PPP2R5E: variants seen among roughly 807,000 people sequenced by gnomAD.
PPP2R5E encodes the protein protein phosphatase 2 regulatory subunit B'epsilon.
Under a neutral mutation model 65.3 loss-of-function variants are expected in PPP2R5E, and 4 were observed. That is an observed-to-expected ratio of 0.06 (90% CI 0.03 to 0.14). PPP2R5E has a LOEUF of 0.14. Ranked by LOEUF, PPP2R5E falls within the 10% of genes least tolerant of loss-of-function variation. The probability of loss-of-function intolerance (pLI) is 1.00; values close to 1 mark genes in which losing one functional copy is unlikely to be tolerated. For missense variants in PPP2R5E, 274 were observed against 556.1 expected (o/e 0.49, Z 5.10); for synonymous variants, 183 against 187.4 (o/e 0.98, Z 0.19).
intron 3 of PPP2R5E, 64 bp from the exon 4 acceptor site, chr14:63,422,158 T>G (rs546434769): frequency 7.3e-7 from 1 of 1,361,776 alleles, no homozygotes; most frequent in Non-Finnish European, 1.0e-6. Context: ...CACAAGGTCC[T>G]TGGAGCCAAG....
intron 13 of PPP2R5E, among the ~76,000 whole-genome samples, chr14:63,378,492 A>C (rs1884118247): frequency 6.6e-6 from 1 of 152,202 alleles, no homozygotes; most frequent in East Asian, 1.9e-4. Context: ...AAAGTGTTTC[A>C]TGTTTTTGAT....
intron 1 of PPP2R5E, 30 bp downstream of exon 1, chr14:63,542,749 C>A (rs1390611808): frequency 3.9e-5 from 6 of 153,746 alleles, no homozygotes; most frequent in African/African-American, 1.4e-4. Flanking sequence ...GGGAAGCGGG[C>A]GAGCCGCGGT....
rs61623731 is a variant in PPP2R5E, at chr14:63,414,532, C to T, written c.549+608G>A. Among the ~76,000 whole-genome samples the T allele has an allele frequency of 2.9e-3, 443 of 152,262 alleles. 1 individual carries two copies. The highest frequency in any genetic ancestry group is 0.01 in the African/African-American group (417 of 41,564). On this transcript the variant is annotated intron_variant, in intron 5 of 13. Transcript: ENST00000337537. ...ACCTAAAACTTCAGTGCCATGAAAG[C>T]ACCCAAGTTCCAGGTAAAAAGGAAG...
chr14:63,397,190 G>A (rs575197580), intron 5 of PPP2R5E, among the ~76,000 whole-genome samples: 1 of 152,290 alleles, frequency 6.6e-6, no homozygotes, highest in South Asian at 2.1e-4. Flanking sequence ...GCTACCTACT[G>A]ATATTCCAAA....
chr14:63,466,424 C>T (rs995005865), intron 2 of PPP2R5E, among the ~76,000 whole-genome samples: 1 of 151,952 alleles, frequency 6.6e-6, no homozygotes, highest in Non-Finnish European at 1.5e-5. Flanking sequence ...GCTTCTAATC[C>T]CAAGAGTAAT....
intron 2 of PPP2R5E, among the ~76,000 whole-genome samples, chr14:63,484,906 C>A (rs113327262): frequency 0.022 from 3,382 of 152,250 alleles, 73 homozygotes; most frequent in African/African-American, 0.061. Flanking sequence ...AACAAGTTTG[C>A]TCATCTTTCC....
intron 2 of PPP2R5E, among the ~76,000 whole-genome samples, chr14:63,497,425 T>C (rs1209709421): frequency 6.6e-6 from 1 of 151,876 alleles, no homozygotes; most frequent in African/African-American, 2.4e-5. Context: ...CAAAGATAAC[T>C]AAAAAAATAC....
At chr14:63,463,961 T>A (rs1018212648) in intron 2 of PPP2R5E, among the ~76,000 whole-genome samples, 1 of 152,092 alleles carries the variant, frequency 6.6e-6, no homozygotes, top group Non-Finnish European at 1.5e-5. Context: ...AGGGAAAAAA[T>A]TCAAAATGAA....
In PPP2R5E at chr14:63,415,215, G is replaced by A; in HGVS notation, c.474C>T (p.Phe158=). Residue 158 remains phenylalanine, a synonymous_variant, in exon 5 of 14, where the codon TTC becomes TTT. Coordinates refer to ENST00000337537, the MANE Select transcript of PPP2R5E (RefSeq NM_006246.5). ...WPHLQLVYEF[F]IRFLESQEFQ... ...ATTCTTGGCTTTCCAAAAATCGTAT[G>A]AAAAATTCATATACAAGCTGCAACA... 2 of 1,599,710 alleles carry A rather than the reference G, an allele frequency of 1.3e-6. No homozygotes were observed. The highest frequency in any genetic ancestry group is 1.7e-6 in the Non-Finnish European group (2 of 1,168,370).
At chr14:63,386,114 T>C (rs1251084603) in intron 11 of PPP2R5E, among the ~76,000 whole-genome samples, 1 of 152,156 alleles carries the variant, frequency 6.6e-6, no homozygotes. Context: ...GAGAACAAAA[T>C]GGTATAAGAT....
At chr14:63,524,756 G>C (rs756072722) in intron 2 of PPP2R5E, among the ~76,000 whole-genome samples, 8 of 152,184 alleles carry the variant, frequency 5.3e-5, no homozygotes, top group Non-Finnish European at 1.2e-4. Context: ...TTCTTGAGGA[G>C]CCCAGAGCCC....
At chr14:63,422,594 C>A (rs1268899822) in intron 3 of PPP2R5E, among the ~76,000 whole-genome samples, 1 of 152,032 alleles carries the variant, frequency 6.6e-6, no homozygotes, top group Non-Finnish European at 1.5e-5. Flanking sequence ...GGCGAGGTGG[C>A]AGGCACCTGT....
At chr14:63,404,094 T>C (rs1351404096) in intron 5 of PPP2R5E, among the ~76,000 whole-genome samples, 1 of 152,200 alleles carries the variant, frequency 6.6e-6, no homozygotes, top group Non-Finnish European at 1.5e-5. Flanking sequence ...AATAGGACTC[T>C]GGTTTGGAGA....
Position 63,488,912 on chromosome 14 carries a change from C to T in PPP2R5E, c.158-35027G>A, listed in dbSNP as rs529560291. The stretch of plus-strand genomic sequence containing the variant: ...ATAAATTTAAAAATTCCCAAAAAGA[C>T]TTTCATGAAAGCTATCATGGAACTG... On this transcript the variant is annotated intron_variant, in intron 2 of 13. Transcript: ENST00000337537. Among the ~76,000 whole-genome samples the T allele has an allele frequency of 2.4e-4, 37 of 151,542 alleles. No individual in the cohort carries two copies. In the South Asian group the frequency reaches 3.8e-3, roughly 15 times the overall value.
intron 13 of PPP2R5E, among the ~76,000 whole-genome samples, chr14:63,380,123 C>T (rs138816664): frequency 1.3e-3 from 195 of 151,962 alleles, no homozygotes; most frequent in African/African-American, 4.6e-3. Flanking sequence ...CGTGAGCTAC[C>T]GTGCCCAGCC....
chr14:63,525,349 A>G (rs1398399414), intron 2 of PPP2R5E, among the ~76,000 whole-genome samples: 2 of 152,214 alleles, frequency 1.3e-5, no homozygotes, highest in African/African-American at 4.8e-5. Flanking sequence ...ATGCAGATCA[A>G]AATTTTCCAG....
intron 2 of PPP2R5E, among the ~76,000 whole-genome samples, chr14:63,486,994 T>A (rs575360531): frequency 6.6e-6 from 1 of 152,324 alleles, no homozygotes; most frequent in South Asian, 2.1e-4. Context: ...TATATTTGCA[T>A]CCCTGTAGTC....
At chr14:63,522,516 C>G (rs1381093712) in intron 2 of PPP2R5E, among the ~76,000 whole-genome samples, 6 of 151,708 alleles carry the variant, frequency 4.0e-5, no homozygotes, top group Admixed American at 3.3e-4. Flanking sequence ...TCTTCCCGGC[C>G]GCCATCCCAT....
At chr14:63,391,715 G>A (rs113580022) in intron 10 of PPP2R5E, 102 bp downstream of exon 10, 82,770 of 1,299,558 alleles carry the variant, frequency 0.064, 2,955 homozygotes, top group Middle Eastern at 0.14. Flanking sequence ...GAGCCACTGC[G>A]CCCAGCCCTG....
Sources: allele counts gnomAD v4.1 joint callset (sites outside exome capture counted in the v4.1 genomes callset), GRCh38; gene constraint gnomAD v4.1.1; transcripts MANE v1.5; gene names NCBI Gene and HGNC (gene_info 2026-07-23, HGNC 2026-07-21).